The following PLEKHG4B variants were observed in gnomAD, a reference collection of about 807,000 sequenced individuals.
The protein encoded by PLEKHG4B is pleckstrin homology and RhoGEF domain containing G4B, also known as pleckstrin homology domain-containing family G member 4B.
In PLEKHG4B, 111 loss-of-function variants were observed where a neutral mutation model predicts 121.3. The ratio of observed to expected loss-of-function variants is 0.92; its 90% CI spans 0.78 to 1.07. PLEKHG4B has a LOEUF of 1.07. Ranked by LOEUF, PLEKHG4B falls within the 50% of genes least tolerant of loss-of-function variation. PLEKHG4B has a pLI of 0.00. For synonymous variants in PLEKHG4B, 738 were observed against 725.0 expected (o/e 1.02, Z -0.29); for missense variants, 1,831 against 1,757.8 (o/e 1.04, Z -0.74).
Position 159,777 on chromosome 5 carries a change from A to G in PLEKHG4B, c.2488-2006A>G, listed in dbSNP as rs908063511. Among the ~76,000 whole-genome samples the G allele has an allele frequency of 6.6e-6, 1 of 152,142 alleles. No homozygotes were observed. The highest frequency in any genetic ancestry group is 2.4e-5 in the African/African-American group (1 of 41,430). ...GGCCGTAGCTCAGTGTTCACCTGCC[A>G]GGGAACAGACCCTGGGCCCTGTGGA... On this transcript the variant is annotated intron_variant, in intron 11 of 19. Coordinates refer to ENST00000637938, the MANE Select transcript of PLEKHG4B (RefSeq NM_052909.5). This position sits in a 1 kb window ranked among gnomAD's most constrained non-coding sequence, Gnocchi z 5.5.
At position 100,420 on chromosome 5, in the gene PLEKHG4B, G is replaced by C. The variant is rs1053949133; in HGVS notation, c.45+8144G>C. Among the ~76,000 whole-genome samples the C allele has an allele frequency of 1.1e-3, 166 of 146,786 alleles. 1 individual carries two copies. Among genetic ancestry groups the C allele is most frequent in the African/African-American group, 4.0e-3 (154 of 38,570 alleles). ...AAGCCTGTAGGGGAGAGACTGTTGT[G>C]AGGTAAATCCATATAAAGCCCTGGA... On this transcript the variant is annotated intron_variant, in intron 1 of 19. Transcript: ENST00000637938.
In PLEKHG4B at chr5:182,565, A is replaced by G. The variant is rs1013310192; in HGVS notation, c.*242A>G. ...TTCCACTTCCACCCAAGACAACAGC[A>G]TAGGAAACAGACCTAAAACAAGACA... On this transcript the variant is annotated 3_prime_UTR_variant, in exon 20 of 20. Coordinates refer to ENST00000637938, the MANE Select transcript of PLEKHG4B (RefSeq NM_052909.5). 6 of 530,392 alleles carry G rather than the reference A, an allele frequency of 1.1e-5. No homozygotes were observed. Among genetic ancestry groups the G allele is most frequent in the African/African-American group, 9.4e-5 (5 of 53,210 alleles). The allele number at this position is 530,392 out of a possible 1,614,324, so 32.9% of individuals were successfully genotyped here.
chr5:156,208 C>G lies in PLEKHG4B; in HGVS notation c.2346C>G (p.Ser782Arg). 1 of 1,507,340 alleles carries G rather than the reference C, an allele frequency of 6.6e-7. No homozygotes were observed. Among genetic ancestry groups the G allele is most frequent in the Non-Finnish European group, 8.9e-7 (1 of 1,123,312 alleles). The allele number at this position is 1,507,340 out of a possible 1,614,324, so 93.4% of individuals were successfully genotyped here. ...LRREELGTED[S>R]RDTLEAATSL... Reference sequence around the variant, plus strand: ...GAGAAGAGCTTGGCACAGAAGACAGCCGGTGAGCGCTCACAGGGGTCATGC... The same window carrying G: ...GAGAAGAGCTTGGCACAGAAGACAGGCGGTGAGCGCTCACAGGGGTCATGC... Residue 782 changes from serine (S) to arginine (R), a missense_variant and splice_region_variant, in exon 10 of 20, where the codon AGC becomes AGG. Physicochemically the swap from Ser to Arg is moderately radical, Grantham distance 110 (BLOSUM62 -1). Transcript: ENST00000637938. This position sits in a 1 kb window ranked among gnomAD's most constrained non-coding sequence, Gnocchi z 4.4.
In PLEKHG4B at chr5:143,486, C is replaced by G; in HGVS notation, c.1794C>G (p.Tyr598Ter). 6.2e-7 allele frequency: 1 copy of G among 1,612,872 alleles called. No individual in the cohort carries two copies. Among genetic ancestry groups the G allele is most frequent in the Non-Finnish European group, 8.5e-7 (1 of 1,179,972 alleles). ...SCAELTRLLLYFHSIPRKEVR... is the reference protein window; with the variant it reads ...SCAELTRLLL The stretch of plus-strand genomic sequence containing the variant: ...CTGAGCTGACCCGCCTGCTGCTGTA[C>G]TTCCATAGCATCCCCAGGTGGGACG... Residue 598 changes from tyrosine to a stop codon, truncating the protein, a stop_gained, in exon 5 of 20, where the codon TAC (tyrosine) becomes TAG (stop). Transcript: ENST00000637938. LOFTEE classifies it high-confidence loss of function.
chr5:98,719 C>G (rs1185865847), intron 1 of PLEKHG4B, among the ~76,000 whole-genome samples: 3 of 148,124 alleles, frequency 2.0e-5, no homozygotes, highest in Non-Finnish European at 3.0e-5. Flanking sequence ...ATGATCCACC[C>G]GCCTCAGCCT....
intron 2 of PLEKHG4B, among the ~76,000 whole-genome samples, chr5:124,196 C>T (rs144682925): frequency 4.6e-5 from 7 of 152,102 alleles, no homozygotes; most frequent in Admixed American, 6.5e-5. Flanking sequence ...TTGTGATCGG[C>T]GAAGATAATT....
In PLEKHG4B at chr5:173,009, G is replaced by T. The variant is rs1736618888; in HGVS notation, c.4163G>T (p.Ser1388Ile). The T allele has an allele frequency of 6.2e-7, 1 of 1,614,036 alleles. No individual in the cohort carries two copies. Among genetic ancestry groups the T allele is most frequent in the Non-Finnish European group, 8.5e-7 (1 of 1,180,032 alleles). ...CTCTTTGAAGACCTCATCCTGTTTA[G>T]CAAGACCCAGAAGGTGGAGGGCAGC... Reference protein sequence around the residue: ...VFLFEDLILFSKTQKVEGSHD... With the variant: ...VFLFEDLILFIKTQKVEGSHD... Residue 1388 changes from serine to isoleucine, a missense_variant, in exon 17 of 20, where the codon AGC becomes ATC. Physicochemically the swap from Ser to Ile is moderately radical, Grantham distance 142. Transcript: ENST00000637938.
At chr5:144,962 G>T (rs147627379) in intron 6 of PLEKHG4B, 42 bp downstream of exon 6, 2 of 1,552,540 alleles carry the variant, frequency 1.3e-6, no homozygotes, top group South Asian at 1.1e-5. Context: ...GCAGAGCATC[G>T]TAGGGCCGTG....
intron 1 of PLEKHG4B, among the ~76,000 whole-genome samples, chr5:103,896 AG>A (rs1240330270): frequency 5.0e-4 from 76 of 152,158 alleles, no homozygotes; most frequent in Non-Finnish European, 1.5e-5. Flanking sequence ...GGTAACCACT[AG>A]TCTACTCTCT....
rs908033652 is a variant in PLEKHG4B at position 171,329 on chromosome 5, G to A, written c.3935G>A (p.Cys1312Tyr). The change falls in exon 16 of 20, where the codon TGT (cysteine) becomes TAT (tyrosine). Residue 1312 changes from cysteine to tyrosine, a missense_variant. Physicochemically the swap from Cys to Tyr is radical, Grantham distance 194. Transcript: ENST00000637938. ...LLQDLLKEAS[C>Y]GLAQGQELGE... ...CAGGACCTGCTCAAGGAGGCCAGCT[G>A]TGGCCTGGCCCAGGGGCAGGAGCTG... 20 of 1,612,444 alleles carry A rather than the reference G, an allele frequency of 1.2e-5. No homozygotes were observed. The highest frequency in any genetic ancestry group is 1.7e-5 in the Non-Finnish European group (20 of 1,179,824).
intron 2 of PLEKHG4B, among the ~76,000 whole-genome samples, chr5:118,993 G>A (rs563831191): frequency 7.9e-5 from 12 of 152,034 alleles, no homozygotes; most frequent in Admixed American, 6.5e-4. Flanking sequence ...TAGGACTACA[G>A]GCGTGTGCCA....
chr5:95,183 G>A (rs1733594796), intron 1 of PLEKHG4B, among the ~76,000 whole-genome samples: 1 of 152,166 alleles, frequency 6.6e-6, no homozygotes, highest in Non-Finnish European at 1.5e-5. Context: ...TGGTGAATTT[G>A]AATTTCTTTT....
Position 184,008 on chromosome 5 carries a change from G to A in PLEKHG4B, c.*1685G>A, listed in dbSNP as rs1298095842. ...AGATAGATCGATAGATAGATAGATA[G>A]ATAGATAGATAGATAGATAGACTGA... On this transcript the variant is annotated 3_prime_UTR_variant, in exon 20 of 20. Transcript: ENST00000637938. 1 of 151,584 alleles carries A rather than the reference G, an allele frequency of 6.6e-6. No individual in the cohort carries two copies. The highest frequency in any genetic ancestry group is 2.4e-5 in the African/African-American group (1 of 40,936). The allele number at this position is 151,584 out of a possible 1,614,324, so 9.4% of individuals were successfully genotyped here.
intron 14 of PLEKHG4B, 51 bp downstream of exon 14, chr5:169,643 G>A (rs754907001): frequency 6.3e-7 from 1 of 1,599,334 alleles, no homozygotes; most frequent in Non-Finnish European, 8.5e-7. Flanking sequence ...GGTGAAGCCG[G>A]TGTCAGAGAG....
chr5:96,393 T>G (rs1409172722), intron 1 of PLEKHG4B, among the ~76,000 whole-genome samples: 1 of 152,228 alleles, frequency 6.6e-6, no homozygotes, highest in African/African-American at 2.4e-5. Context: ...GGGAAAAATA[T>G]TCAATGAAAT....
At chr5:171,935 C>T (rs1487192038) in intron 16 of PLEKHG4B, among the ~76,000 whole-genome samples, 3 of 152,326 alleles carry the variant, frequency 2.0e-5, no homozygotes, top group South Asian at 2.1e-4. Context: ...GGCCCCTCTG[C>T]GGGGGTTGTG....
chr5:131,149 T>C (rs1734766359), intron 2 of PLEKHG4B, among the ~76,000 whole-genome samples: 1 of 150,698 alleles, frequency 6.6e-6, no homozygotes, highest in Admixed American at 6.6e-5. Flanking sequence ...CTAGGGTACA[T>C]GTGCACAACG....
At chr5:165,765 C>G (rs1230417982) in intron 13 of PLEKHG4B, among the ~76,000 whole-genome samples, 1 of 23,138 alleles carries the variant, frequency 4.3e-5, no homozygotes, top group Admixed American at 2.8e-4. Context: ...GGGCGGGGCT[C>G]ACAGTAATCC....
chr5:179,789 G>A (rs1736873994), intron 18 of PLEKHG4B: 1 of 152,362 alleles, frequency 6.6e-6, no homozygotes, highest in African/African-American at 2.4e-5. Flanking sequence ...TGTTTCTCGT[G>A]TGATTTCTAT....
Sources: allele counts gnomAD v4.1 joint callset (sites outside exome capture counted in the v4.1 genomes callset), GRCh38; gene constraint gnomAD v4.1.1; non-coding constraint Gnocchi (gnomAD v3.1); transcripts MANE v1.5; gene names NCBI Gene and HGNC (gene_info 2026-07-23, HGNC 2026-07-21).